CENPN: variants seen among roughly 807,000 people sequenced by gnomAD.
The protein encoded by CENPN is interphase centromere complex protein 32.
Under a neutral mutation model 48.6 loss-of-function variants are expected in CENPN, and 36 were observed. The observed-to-expected ratio is 0.74, with a 90% confidence interval of 0.57 to 0.98. The LOEUF is 0.98. Ranked by LOEUF, CENPN falls within the 50% of genes least tolerant of loss-of-function variation. The pLI is 0.00. For synonymous variants in CENPN, 166 were observed against 135.2 expected (o/e 1.23, Z -1.58); for missense variants, 439 against 399.2 (o/e 1.10, Z -0.85).
intron 1 of CENPN, among the ~76,000 whole-genome samples, chr16:81,007,805 TAAAG>T (rs1330710138): frequency 6.6e-6 from 1 of 152,132 alleles, no homozygotes; most frequent in Non-Finnish European, 1.5e-5. Flanking sequence ...CTAGGAAGTA[TAAAG>T]AAAGTTTTAA....
chr16:81,016,430 C>CT (rs1195063532), intron 3 of CENPN, among the ~76,000 whole-genome samples: 7 of 152,202 alleles, frequency 4.6e-5, no homozygotes, highest in African/African-American at 1.7e-4. Context: ...CCATCAGAGT[C>CT]TAACTGGAAA....
rs1471766383 is a variant in CENPN, at chr16:81,024,750, G to A, written c.669G>A (p.Gln223=). 3.7e-6 allele frequency: 6 copies of A among 1,610,698 alleles called. No individual in the cohort carries two copies. Among genetic ancestry groups the A allele is most frequent in the Middle Eastern group, 1.7e-4 (1 of 6,050 alleles). The change falls in exon 8 of 11, where the codon CAG becomes CAA. Residue 223 remains glutamine (Q), a synonymous_variant. Transcript: ENST00000305850. ...FETHNSTTPL[Q]ERSLGLDINM... ...CTCACAACTCTACGACACCTCTACAGGAAAGAAGCCTTGGACTAGATATAA... is the reference window on the plus strand; with the variant it reads ...CTCACAACTCTACGACACCTCTACAAGAAAGAAGCCTTGGACTAGATATAA...
chr16:81,015,379 C>T (rs1201581482), intron 3 of CENPN, among the ~76,000 whole-genome samples: 3 of 152,276 alleles, frequency 2.0e-5, no homozygotes, highest in Non-Finnish European at 4.4e-5. Context: ...TGTGGCATAC[C>T]GACATCTCTG....
intron 8 of CENPN, among the ~76,000 whole-genome samples, chr16:81,025,548 G>A (rs1281125454): frequency 6.6e-6 from 1 of 152,010 alleles, no homozygotes; most frequent in Non-Finnish European, 1.5e-5. Flanking sequence ...TGTATCTTAC[G>A]ATTCCAGTTT....
intron 6 of CENPN, among the ~76,000 whole-genome samples, chr16:81,021,801 G>A (rs1970219708): frequency 6.6e-6 from 1 of 151,314 alleles, no homozygotes; most frequent in Non-Finnish European, 1.5e-5. Flanking sequence ...GTCACCCAGG[G>A]TGGGGTGCAG....
chr16:81,025,726 A>T (rs1221854417), intron 8 of CENPN, among the ~76,000 whole-genome samples: 4 of 131,974 alleles, frequency 3.0e-5, no homozygotes, highest in Admixed American at 7.5e-5. Context: ...TTTTTAAGAC[A>T]GAGTCTCACT....
downstream of CENPN, among the ~76,000 whole-genome samples, chr16:81,031,836 C>G (rs1391427573): frequency 6.6e-6 from 1 of 152,202 alleles, no homozygotes; most frequent in African/African-American, 2.4e-5. Flanking sequence ...CTCCTGACCT[C>G]AAGTGATCCT....
chr16:81,015,938 G>C (rs561409042), intron 3 of CENPN, among the ~76,000 whole-genome samples: 1 of 151,356 alleles, frequency 6.6e-6, no homozygotes, highest in African/African-American at 2.4e-5. Context: ...CCAGGAGACA[G>C]AGATTGCAGT....
rs1171893296 is a variant in CENPN at position 81,019,914 on chromosome 16, T to TA, written c.355-182dup. On this transcript the variant is annotated intron_variant, in intron 5 of 10. Transcript: ENST00000305850. ...AGAACTGAAAAGGATTTTTTTTTTT[T>TA]AAAATCACAAAATGTTTTCCCAAAG... 2.8e-3 allele frequency among the ~76,000 whole-genome samples: 421 copies of TA among 149,574 alleles called. 4 individuals carry two copies. The highest frequency in any genetic ancestry group is 9.8e-3 in the African/African-American group (399 of 40,676).
chr16:81,024,292 A>G (rs1012620100), intron 7 of CENPN: 1 of 153,236 alleles, frequency 6.5e-6, no homozygotes, highest in Non-Finnish European at 1.5e-5. Flanking sequence ...TGTCAAGCAC[A>G]GAACTATAAA....
chr16:81,008,564 G>A (rs1346368923), intron 1 of CENPN, among the ~76,000 whole-genome samples: 2 of 152,236 alleles, frequency 1.3e-5, no homozygotes, highest in East Asian at 3.9e-4. Flanking sequence ...TAGAGACGGA[G>A]TTTCACCATG....
intron 1 of CENPN, among the ~76,000 whole-genome samples, chr16:81,011,528 C>T (rs1969739864): frequency 6.6e-6 from 1 of 152,122 alleles, no homozygotes; most frequent in African/African-American, 2.4e-5. Context: ...TATATCATCA[C>T]CATCAAAACA....
At chr16:81,026,839 T>C (rs916585056) in intron 9 of CENPN, among the ~76,000 whole-genome samples, 2 of 152,218 alleles carry the variant, frequency 1.3e-5, no homozygotes, top group African/African-American at 4.8e-5. Context: ...TTAGAAATTA[T>C]GAATCTGGGC....
At position 81,012,117 on chromosome 16, in the gene CENPN, G is replaced by A. The variant is rs575626626; in HGVS notation, c.171+7G>A. On this transcript the variant is annotated splice_region_variant and intron_variant, in intron 2 of 10. Transcript: ENST00000305850. Reference sequence around the variant, plus strand: ...CTTGATCCATCTGTGTGAGGTAACAGTGTTAAAAATGATGAGCCTTGAACA... The same window carrying A: ...CTTGATCCATCTGTGTGAGGTAACAATGTTAAAAATGATGAGCCTTGAACA... 32 of 1,613,412 alleles carry A rather than the reference G, an allele frequency of 2.0e-5. 1 individual carries two copies. The East Asian group carries it at 6.2e-4, about 31-fold the overall frequency.
intron 2 of CENPN, 108 bp downstream of exon 2, chr16:81,012,218 A>C (rs746607478): frequency 1.0e-5 from 10 of 966,966 alleles, no homozygotes; most frequent in Non-Finnish European, 1.4e-5. Flanking sequence ...CTAAACTACT[A>C]GTGAAGTGAT....
Position 81,028,683 on chromosome 16 carries a change from C to A in CENPN, c.*32C>A. 1.3e-6 allele frequency: 2 copies of A among 1,596,620 alleles called. No homozygotes were observed. Among genetic ancestry groups the A allele is most frequent in the Non-Finnish European group, 1.7e-6 (2 of 1,175,318 alleles). On this transcript the variant is annotated 3_prime_UTR_variant, in exon 11 of 11. Transcript: ENST00000305850. ...CGTGGTTTCTTAAGCACAGCTCCTC[C>A]TTCTTGATATTGCACATGCACTTCA... is the stretch of plus-strand genomic sequence containing the variant.
At chr16:81,010,584 A>G (rs915377394) in intron 1 of CENPN, among the ~76,000 whole-genome samples, 1 of 152,224 alleles carries the variant, frequency 6.6e-6, no homozygotes, top group Non-Finnish European at 1.5e-5. Flanking sequence ...CTGCACCACT[A>G]GCTCTTAGCA....
chr16:81,032,197 C>T (rs1467535291), downstream of CENPN, among the ~76,000 whole-genome samples: 3 of 152,150 alleles, frequency 2.0e-5, no homozygotes, highest in Non-Finnish European at 2.9e-5. Context: ...CTATTCTGTC[C>T]TTCAAATCTC....
intron 5 of CENPN, 49 bp downstream of exon 5, chr16:81,017,883 G>T: frequency 8.8e-7 from 1 of 1,134,844 alleles, no homozygotes; most frequent in East Asian, 2.4e-5. Flanking sequence ...CATGACGTCT[G>T]TGCACTTAAA....
Sources: allele counts gnomAD v4.1 joint callset (sites outside exome capture counted in the v4.1 genomes callset), GRCh38; gene constraint gnomAD v4.1.1; transcripts MANE v1.5; gene names NCBI Gene and HGNC (gene_info 2026-07-23, HGNC 2026-07-21).